The following ITPR3 variants were observed in gnomAD, a reference collection of about 807,000 sequenced individuals.
ITPR3 encodes the protein inositol 1,4,5-trisphosphate-gated calcium channel ITPR3.
In ITPR3, 173 loss-of-function variants were observed where a neutral mutation model predicts 293.2. The ratio of observed to expected loss-of-function variants is 0.59; its 90% confidence interval spans 0.52 to 0.67. The LOEUF (loss-of-function observed/expected upper bound fraction) is 0.67. Ranked by LOEUF, ITPR3 falls within the 30% of genes least tolerant of loss-of-function variation. ITPR3 has a pLI of 0.00. For missense variants in ITPR3, 2,796 were observed against 3,592.1 expected, an observed-to-expected ratio of 0.78 and a Z score of 5.66; for synonymous variants, 1,295 against 1,444.4, an observed-to-expected ratio of 0.90 and a Z score of 2.35.
chr6:33,672,356 C>G lies in ITPR3; in HGVS notation c.2928+128C>G. ...TTAGTACTGGAAGTCTCCATCGTGA[C>G]TGGCTGTCAGGCCCAGCGGTTCCCA... On this transcript the variant is annotated intron_variant, in intron 22 of 57. Transcript: ENST00000605930. The surrounding 1 kb of genome is among the most constrained non-coding windows in gnomAD (Gnocchi z 5.0). The G allele has an allele frequency of 1.2e-6, 1 of 814,784 alleles. No individual in the cohort carries two copies. Among genetic ancestry groups the G allele is most frequent in the South Asian group, 1.8e-5 (1 of 54,998 alleles). The allele number at this position is 814,784 out of a possible 1,614,324, so 50.5% of individuals were successfully genotyped here. A position where few individuals can be genotyped will look rare whatever the true frequency, so the allele number is the denominator to read the frequency against.
At chr6:33,622,404 G>A (rs935328602) in intron 1 of ITPR3, among the ~76,000 whole-genome samples, 1 of 152,176 alleles carries the variant, frequency 6.6e-6, no homozygotes, top group African/African-American at 2.4e-5. Flanking sequence ...ATCAGTTCAC[G>A]TCCCTGGAGA....
Position 33,670,827 on chromosome 6 carries a change from A to C in ITPR3, c.2586+12A>C. 1 of 1,612,172 alleles carries C rather than the reference A, an allele frequency of 6.2e-7. No individual in the cohort carries two copies. Among genetic ancestry groups the C allele is most frequent in the East Asian group, 2.2e-5 (1 of 44,872 alleles). Reference sequence around the variant, plus strand: ...AGCTCACTTTTGAGGTGGCTGGGGGAGTGCCCAGGGGCTGGGGGTCCGTGG... The same window carrying C: ...AGCTCACTTTTGAGGTGGCTGGGGGCGTGCCCAGGGGCTGGGGGTCCGTGG... On this transcript the variant is annotated intron_variant, in intron 20 of 57. Coordinates refer to ENST00000605930, the MANE Select transcript of ITPR3 (RefSeq NM_002224.4). The surrounding 1 kb of genome is among the most constrained non-coding windows in gnomAD (Gnocchi z 6.7).
chr6:33,688,726 G>A lies in ITPR3; in HGVS notation c.6639G>A (p.Val2213=), dbSNP rs750196911. The A allele has an allele frequency of 6.2e-7, 1 of 1,614,208 alleles. No homozygotes were observed. Among genetic ancestry groups the A allele is most frequent in the Non-Finnish European group, 8.5e-7 (1 of 1,180,032 alleles). Residue 2213 remains valine (V), a synonymous_variant, in exon 49 of 58, where the codon GTG becomes GTA. Transcript: ENST00000605930. ...LWGSISFNLA[V]FINIIIAFFY... is the part of the protein sequence containing the mutation. ...GCAGCATCTCCTTCAACCTGGCCGT[G>A]TTTATCAACATCATCATTGCCTTCT...
rs1356551761 is a variant in ITPR3 at position 33,683,076 on chromosome 6, G to T, written c.4598-131G>T. On this transcript the variant is annotated intron_variant, in intron 34 of 57. Transcript: ENST00000605930. This position sits in a 1 kb window ranked among gnomAD's most constrained non-coding sequence, Gnocchi z 4.5. The stretch of plus-strand genomic sequence containing the variant: ...GTCCCTCAAGCATAGGCCGGGGTGG[G>T]GGGGGTCTCTGTCTCCCAGACCCTT... The T allele has an allele frequency of 6.4e-6, 4 of 626,990 alleles. No individual in the cohort carries two copies. Among genetic ancestry groups the T allele is most frequent in the Non-Finnish European group, 1.0e-5 (4 of 393,136 alleles). The allele number at this position is 626,990 out of a possible 1,614,324, so 38.8% of individuals were successfully genotyped here.
At position 33,632,431 on chromosome 6, in the gene ITPR3, C is replaced by T. The variant is rs1763705044; in HGVS notation, c.90-8053C>T. ...ATCTAATCTTTCCAGACAGCACTGA[C>T]CCACCCTGCTACCTTTCCCATGGCG... On this transcript the variant is annotated intron_variant, in intron 1 of 57. Coordinates refer to ENST00000605930, the MANE Select transcript of ITPR3 (RefSeq NM_002224.4). The surrounding 1 kb of genome is among the most constrained non-coding windows in gnomAD (Gnocchi z 4.1). 1.3e-5 allele frequency among the ~76,000 whole-genome samples: 2 copies of T among 152,202 alleles called. No individual in the cohort carries two copies.
chr6:33,694,024 C>T (rs1457944725), intron 56 of ITPR3, among the ~76,000 whole-genome samples: 1 of 152,140 alleles, frequency 6.6e-6, no homozygotes, highest in South Asian at 2.1e-4. Context: ...CCGAAGAACA[C>T]GTGTGGTATC....
chr6:33,660,143 C>T (rs987966132), intron 7 of ITPR3, among the ~76,000 whole-genome samples: 2 of 152,048 alleles, frequency 1.3e-5, no homozygotes, highest in African/African-American at 4.8e-5. Context: ...CAGATGTGGG[C>T]GAGAGAGGAG....
At chr6:33,650,747 CTA>C (rs906322987) in intron 2 of ITPR3, among the ~76,000 whole-genome samples, 4 of 149,828 alleles carry the variant, frequency 2.7e-5, no homozygotes, top group African/African-American at 4.9e-5. Context: ...TTTCAGTCTG[CTA>C]TGTCATTTTT....
chr6:33,695,536 G>A (rs1037737033), intron 57 of ITPR3, 176 bp from the exon 58 acceptor site: 2 of 642,304 alleles, frequency 3.1e-6, no homozygotes, highest in Non-Finnish European at 5.5e-6. Flanking sequence ...TTGAGAACAA[G>A]GGTTTGGTGC....
Position 33,690,072 on chromosome 6 carries a change from C to CA in ITPR3, c.6908dup (p.Asn2303LysfsTer10). On this transcript the variant is annotated frameshift_variant, in exon 51 of 58. Transcript: ENST00000605930. LOFTEE classifies it high-confidence loss of function. Reference sequence around the variant, plus strand: ...TCGTGTTTGTGGTGAGCTTCGTGGGCAACCGTGGCACCTTCATCCGGGGCT... The same window carrying CA: ...TCGTGTTTGTGGTGAGCTTCGTGGGCAAACCGTGGCACCTTCATCCGGGGCT... 6.2e-7 allele frequency: 1 copy of CA among 1,614,214 alleles called. No homozygotes were observed. Among genetic ancestry groups the CA allele is most frequent in the South Asian group, 1.1e-5 (1 of 91,078 alleles).
Position 33,675,632 on chromosome 6 carries a change from C to T in ITPR3, c.3117-59C>T. ...GCTTGTGCCAGGGCCCCTTACCCACCACGGACAGCAGGGAGTGTGCCAGTC... is the reference window on the plus strand; with the variant it reads ...GCTTGTGCCAGGGCCCCTTACCCACTACGGACAGCAGGGAGTGTGCCAGTC... On this transcript the variant is annotated intron_variant, in intron 24 of 57. Transcript: ENST00000605930. The surrounding 1 kb of genome is among the most constrained non-coding windows in gnomAD (Gnocchi z 5.0). 6.6e-7 allele frequency: 1 copy of T among 1,518,494 alleles called. No individual in the cohort carries two copies. The highest frequency in any genetic ancestry group is 8.9e-7 in the Non-Finnish European group (1 of 1,129,168). 94.1% of individuals were successfully genotyped at this position (1,518,494 alleles called of 1,614,324 possible). A position where few individuals can be genotyped will look rare whatever the true frequency, so the allele number is the denominator to read the frequency against.
intron 33 of ITPR3, among the ~76,000 whole-genome samples, chr6:33,680,962 A>C (rs1014915766): frequency 3.3e-5 from 5 of 151,836 alleles, no homozygotes; most frequent in Non-Finnish European, 5.9e-5. Context: ...CTGGGACTAC[A>C]GGTGCCCGCC....
intron 7 of ITPR3, among the ~76,000 whole-genome samples, chr6:33,661,989 T>A (rs1424106657): frequency 3.6e-5 from 1 of 27,486 alleles, no homozygotes; most frequent in Admixed American, 5.5e-4. Context: ...AGTGACTGTC[T>A]CTGAAAAAAA....
chr6:33,663,171 A>C (rs557557205), intron 9 of ITPR3, among the ~76,000 whole-genome samples, 165 bp downstream of exon 9: 1 of 152,364 alleles, frequency 6.6e-6, no homozygotes, highest in South Asian at 2.1e-4. Context: ...GCATGACTGT[A>C]AATAAGCCTA....
At position 33,637,470 on chromosome 6, in the gene ITPR3, C is replaced by CGTGT. The variant is rs760872204; in HGVS notation, c.90-3014_90-3013insGTGT. Among the ~76,000 whole-genome samples, 111 of 152,208 alleles carry CGTGT rather than the reference C, an allele frequency of 7.3e-4. 1 individual carries two copies. The highest frequency in any genetic ancestry group is 1.1e-3 in the Non-Finnish European group (75 of 67,996). The stretch of plus-strand genomic sequence containing the variant: ...CTCTCTGAACCTGGTTTTTTGTTTG[C>CGTGT]TTGTTTGTTTGTTTTTTTAACGGAG... On this transcript the variant is annotated intron_variant, in intron 1 of 57. Transcript: ENST00000605930.
Position 33,667,767 on chromosome 6 carries a change from AC to A in ITPR3, c.1714-20del, listed in dbSNP as rs1195757030. 4.3e-6 allele frequency: 7 copies of A among 1,612,272 alleles called. No individual in the cohort carries two copies. The African/African-American group carries it at 9.4e-5, about 22-fold the overall frequency. ...CTTGGCCCACCTGTGACTCTCTGTGACCCCCAGCCTGTCTGCCCCCCCAGGA... is the reference window on the plus strand; with the variant it reads ...CTTGGCCCACCTGTGACTCTCTGTGACCCCAGCCTGTCTGCCCCCCCAGGA... On this transcript the variant is annotated intron_variant, in intron 15 of 57. Transcript: ENST00000605930. The surrounding 1 kb of genome is among the most constrained non-coding windows in gnomAD (Gnocchi z 4.4).
In ITPR3 at chr6:33,684,924, G is replaced by A; in HGVS notation, c.5288G>A (p.Gly1763Asp). 1 of 1,612,444 alleles carries A rather than the reference G, an allele frequency of 6.2e-7. No individual in the cohort carries two copies. Among genetic ancestry groups the A allele is most frequent in the Non-Finnish European group, 8.5e-7 (1 of 1,179,016 alleles). ...SIGLAIHLLD[G>D]GNTEIQKSFH... ...GGCCTGGCCATCCACCTGCTGGATG[G>A]TGGCAACACAGAGATCCAGGTGTGG... is the stretch of plus-strand genomic sequence containing the variant. The change falls in exon 39 of 58, where the codon GGT (glycine) becomes GAT (aspartate). Residue 1763 changes from glycine to aspartate, a missense_variant. Physicochemically the swap from Gly to Asp is moderately conservative, Grantham distance 94. Around this residue, in one of 8 missense-constraint regions of ITPR3, gnomAD observed 704 missense variants for 797.5 expected, o/e 0.88. Coordinates refer to ENST00000605930, the MANE Select transcript of ITPR3 (RefSeq NM_002224.4). The surrounding 1 kb of genome is among the most constrained non-coding windows in gnomAD (Gnocchi z 4.2).
Position 33,633,381 on chromosome 6 carries a change from C to T in ITPR3, c.90-7103C>T, listed in dbSNP as rs1763728826. Among the ~76,000 whole-genome samples the T allele has an allele frequency of 6.6e-6, 1 of 152,208 alleles. No homozygotes were observed. The highest frequency in any genetic ancestry group is 6.5e-5 in the Admixed American group (1 of 15,286). ...CCACTTACCCCTGTAGAGCGCGGCT[C>T]TGGTTTCAGCGCCCGGTGCGCACTC... On this transcript the variant is annotated intron_variant, in intron 1 of 57. Coordinates refer to ENST00000605930, the MANE Select transcript of ITPR3 (RefSeq NM_002224.4). The surrounding 1 kb of genome is among the most constrained non-coding windows in gnomAD (Gnocchi z 5.2).
At position 33,687,597 on chromosome 6, in the gene ITPR3, G is replaced by GGGTA. The variant is rs2127312960; in HGVS notation, c.6264+35_6264+36insTAGG. ...CTGGCCCCGAGACTGGGGTGGGGGT[G>GGGTA]GGGCCTGGAACCCAGGGAGGACACT... On this transcript the variant is annotated intron_variant, in intron 46 of 57. Transcript: ENST00000605930. This position sits in a 1 kb window ranked among gnomAD's most constrained non-coding sequence, Gnocchi z 5.3. 6.5e-7 allele frequency: 1 copy of GGGTA among 1,541,622 alleles called. No homozygotes were observed. The highest frequency in any genetic ancestry group is 8.9e-7 in the Non-Finnish European group (1 of 1,122,434).
Sources: gnomAD v4.1 joint callset for allele counts (sites outside exome capture counted in the v4.1 genomes callset) on GRCh38, gnomAD v4.1.1 for gene constraint, gnomAD v4.1.1 regional missense constraint, Gnocchi (gnomAD v3.1) non-coding constraint, MANE v1.5 for transcripts, NCBI Gene and HGNC (gene_info 2026-07-23, HGNC 2026-07-21) for gene names.